MYOCD: variants seen among roughly 807,000 people sequenced by gnomAD.
MYOCD encodes myocardin.
Under a neutral mutation model 96.1 loss-of-function variants are expected in MYOCD, and 32 were observed. The ratio of observed to expected loss-of-function variants is 0.33; its 90% CI spans 0.25 to 0.45. The LOEUF is 0.45. MYOCD is among the 20% of genes least tolerant of loss of function. The probability of loss-of-function intolerance (pLI) is 1.00; values close to 1 mark genes in which losing one functional copy is unlikely to be tolerated. For synonymous variants in MYOCD, 469 were observed against 469.0 expected (o/e 1.00, Z 0.00); for missense variants, 1,133 against 1,200.6 (o/e 0.94, Z 0.83).
At chr17:12,684,013 A>G (rs554099381) in intron 1 of MYOCD, among the ~76,000 whole-genome samples, 2 of 152,312 alleles carry the variant, frequency 1.3e-5, no homozygotes, top group African/African-American at 2.4e-5. Flanking sequence ...ACCAATAATC[A>G]TAGTAATAGT....
chr17:12,745,219 A>T (rs964198240), intron 8 of MYOCD, among the ~76,000 whole-genome samples: 80 of 151,492 alleles, frequency 5.3e-4, no homozygotes, highest in African/African-American at 1.8e-3. Flanking sequence ...TTATTCATTT[A>T]TTTTTTCGAG....
At chr17:12,744,645 A>G (rs1335740226) in intron 8 of MYOCD, among the ~76,000 whole-genome samples, 4 of 152,098 alleles carry the variant, frequency 2.6e-5, no homozygotes, top group African/African-American at 9.7e-5. Context: ...GGCCCTCTAT[A>G]TCTGCAGATG....
intron 5 of MYOCD, among the ~76,000 whole-genome samples, chr17:12,723,413 A>G (rs2031905699): frequency 6.6e-6 from 1 of 152,184 alleles, no homozygotes; most frequent in Non-Finnish European, 1.5e-5. Flanking sequence ...CCCTAGATCC[A>G]GTTGCCCAAT....
intron 4 of MYOCD, among the ~76,000 whole-genome samples, chr17:12,721,623 C>G (rs944775143): frequency 3.3e-5 from 5 of 152,124 alleles, no homozygotes; most frequent in Non-Finnish European, 7.4e-5. Context: ...GGCTGGAGAG[C>G]CACAGGTCAT....
intron 6 of MYOCD, among the ~76,000 whole-genome samples, chr17:12,738,404 TACCTCTG>T (rs1413463054): frequency 1.3e-5 from 2 of 152,186 alleles, no homozygotes; most frequent in Non-Finnish European, 2.9e-5. Flanking sequence ...TTACAGACTC[TACCTCTG>T]GTAAAGGTTT....
intron 2 of MYOCD, among the ~76,000 whole-genome samples, chr17:12,709,231 C>T (rs533788479): frequency 7.2e-4 from 109 of 152,322 alleles, no homozygotes; most frequent in Non-Finnish European, 1.1e-3. Context: ...TTCCCTTTTC[C>T]TGGGCATGCA....
At position 12,763,618 on chromosome 17, in the gene MYOCD, A is replaced by G. The variant is rs773748003; in HGVS notation, c.2935A>G (p.Met979Val). 5.0e-6 allele frequency: 8 copies of G among 1,612,966 alleles called. No homozygotes were observed. Among genetic ancestry groups the G allele is most frequent in the Middle Eastern group, 1.7e-4 (1 of 6,054 alleles). Residue 979 changes from methionine (M) to valine (V), a missense_variant, in exon 14 of 14, where the codon ATG (methionine) becomes GTG (valine). Coordinates refer to ENST00000425538, the MANE Select transcript of MYOCD (RefSeq NM_001146312.3). ...CACTGATCTCAATTTGAATTCTTCC[A>G]TGGACCTTCACTTGCAGCAGTGGTA... ...DVTDLNLNSS[M>V]DLHLQQW
At chr17:12,741,535 C>T (rs1211424176) in intron 7 of MYOCD, among the ~76,000 whole-genome samples, 3 of 152,042 alleles carry the variant, frequency 2.0e-5, no homozygotes, top group Non-Finnish European at 4.4e-5. Flanking sequence ...TGGTGAAACC[C>T]CGTCTCTACC....
At chr17:12,725,206 G>A (rs1022680514) in intron 5 of MYOCD, among the ~76,000 whole-genome samples, 3 of 151,690 alleles carry the variant, frequency 2.0e-5, no homozygotes, top group African/African-American at 7.3e-5. Flanking sequence ...CAGGTCTAAG[G>A]GAATGGAAAT....
At chr17:12,722,810 A>G (rs2031881001) in intron 4 of MYOCD, 37 bp from the exon 5 acceptor site, 1 of 1,555,776 alleles carries the variant, frequency 6.4e-7, no homozygotes. Flanking sequence ...AGAGACATCA[A>G]ATTCTAGAAC....
At position 12,739,271 on chromosome 17, in the gene MYOCD, G is replaced by A. The variant is rs527658198; in HGVS notation, c.660G>A (p.Ala220=). 1.1e-5 allele frequency: 18 copies of A among 1,608,786 alleles called. No homozygotes were observed. Among genetic ancestry groups the A allele is most frequent in the African/African-American group, 6.7e-5 (5 of 74,888 alleles). The stretch of plus-strand genomic sequence containing the variant: ...CACAGCCCAGCCACCAGTCAGATGC[G>A]GGGAAGCAGGGGCTTGGCCCCCCCA... ...SASQPSHQSD[A]GKQGLGPPST... The change falls in exon 7 of 14, where the codon GCG becomes GCA. Residue 220 remains alanine, a synonymous_variant. Coordinates refer to ENST00000425538, the MANE Select transcript of MYOCD (RefSeq NM_001146312.3).
intron 2 of MYOCD, among the ~76,000 whole-genome samples, chr17:12,711,986 C>T (rs943105552): frequency 9.4e-5 from 14 of 148,574 alleles, no homozygotes; most frequent in Non-Finnish European, 1.6e-4. Flanking sequence ...TGCAGTGGCG[C>T]GATCTTGGCT....
At chr17:12,714,950 C>A (rs2031593097) in intron 2 of MYOCD, among the ~76,000 whole-genome samples, 1 of 152,150 alleles carries the variant, frequency 6.6e-6, no homozygotes, top group Admixed American at 6.5e-5. Flanking sequence ...TTGGAGTTAA[C>A]TTCCCTGTCT....
At chr17:12,724,869 A>T (rs1441106838) in intron 5 of MYOCD, among the ~76,000 whole-genome samples, 1 of 152,088 alleles carries the variant, frequency 6.6e-6, no homozygotes, top group African/African-American at 2.4e-5. Context: ...TTGCAAGTAT[A>T]TTTTAAGTGA....
intron 10 of MYOCD, among the ~76,000 whole-genome samples, chr17:12,754,995 T>C (rs2032970754): frequency 6.6e-6 from 1 of 152,178 alleles, no homozygotes; most frequent in Non-Finnish European, 1.5e-5. Context: ...TCAAGTGGAA[T>C]ATCTCCACCC....
chr17:12,666,727 C>T (rs1909398281), intron 1 of MYOCD, among the ~76,000 whole-genome samples: 1 of 151,968 alleles, frequency 6.6e-6, no homozygotes, highest in South Asian at 2.1e-4. Flanking sequence ...ATTTGGAGCA[C>T]ACCAAGTATT....
chr17:12,675,240 G>A (rs1223941173), intron 1 of MYOCD, among the ~76,000 whole-genome samples: 1 of 152,024 alleles, frequency 6.6e-6, no homozygotes. Flanking sequence ...TGATAATATC[G>A]AGTATTGAAT....
intron 2 of MYOCD, among the ~76,000 whole-genome samples, chr17:12,712,807 A>T (rs1350582988): frequency 1.3e-5 from 2 of 152,194 alleles, no homozygotes; most frequent in African/African-American, 4.8e-5. Flanking sequence ...AAAAATTTAG[A>T]ATCCAAATTC....
At chr17:12,749,702 C>CAT (rs2032782182) in intron 9 of MYOCD, among the ~76,000 whole-genome samples, 3 of 65,604 alleles carry the variant, frequency 4.6e-5, no homozygotes, top group East Asian at 7.6e-4. Flanking sequence ...TATATGTATA[C>CAT]ATATGTGTAT....
Sources: allele counts gnomAD v4.1 joint callset (sites outside exome capture counted in the v4.1 genomes callset), GRCh38; gene constraint gnomAD v4.1.1; transcripts MANE v1.5; gene names NCBI Gene and HGNC (gene_info 2026-07-23, HGNC 2026-07-21).